The following GLA variants were observed in gnomAD, a reference collection of about 807,000 sequenced individuals.
GLA encodes the protein galactosidase alpha.
In GLA, 4 loss-of-function variants were observed where a neutral mutation model predicts 28.2. The observed-to-expected ratio is 0.14, with a 90% CI of 0.07 to 0.32. The LOEUF (loss-of-function observed/expected upper bound fraction) is 0.32. GLA is among the 10% of genes least tolerant of loss of function. The pLI is 1.00. For missense variants in GLA, 203 were observed against 323.7 expected (o/e 0.63, Z 2.86); for synonymous variants, 94 against 113.0 (o/e 0.83, Z 1.07).
chrX:101,399,682 CTT>C (rs1322198769), intron 4 of GLA: 1 of 112,560 alleles, frequency 8.9e-6, no homozygotes, highest in African/African-American at 3.2e-5. Context: ...CTATTCAACA[CTT>C]AACCATATGC....
rs149391489 is a variant in GLA, at chrX:101,401,803, T to C, written c.376A>G (p.Ser126Gly). ...TAAATCCCTAGCTTCAGTCCTTTGC[T>C]GTGAACCTGAAATGAGAGGGAGGAA... ...GIRQLANYVH[S>G]KGLKLGIYAD... Residue 126 changes from serine to glycine, a missense_variant, in exon 3 of 7, where the codon AGC (serine) becomes GGC (glycine). Ser to Gly is a moderately conservative substitution (Grantham distance 56). This residue lies in a region of GLA where 162 missense variants were observed against 246.8 expected (regional missense o/e 0.66). Transcript: ENST00000218516. 5.5e-4 allele frequency: 664 copies of C among 1,207,539 alleles called. No individual in the cohort carries two copies. Among genetic ancestry groups the C allele is most frequent in the Non-Finnish European group, 7.0e-4 (626 of 892,726 alleles).
At position 101,400,635 on chromosome X, in the gene GLA, G is replaced by C. The variant is rs782135870; in HGVS notation, c.639+31C>G. 24 of 819,162 alleles carry C rather than the reference G, an allele frequency of 2.9e-5. No homozygotes were observed. Among genetic ancestry groups the C allele is most frequent in the African/African-American group, 2.8e-4 (14 of 49,642 alleles). The allele number at this position is 819,162 out of a possible 1,213,427, so 67.5% of individuals were successfully genotyped here. On this transcript the variant is annotated intron_variant, in intron 4 of 6. Transcript: ENST00000218516. ...TTGTCAAGTTCTATCTATCAGTACAGTTCTATTGGATTCTGGGCTCACTAT... is the reference window on the plus strand; with the variant it reads ...TTGTCAAGTTCTATCTATCAGTACACTTCTATTGGATTCTGGGCTCACTAT...
At chrX:101,401,873 G>C (rs1928331308) in intron 2 of GLA, 64 bp from the exon 3 acceptor site, 2 of 1,037,836 alleles carry the variant, frequency 1.9e-6, no homozygotes, top group Admixed American at 4.4e-5. Context: ...AGCAGAAAGA[G>C]AGAACCATTC....
intron 1 of GLA, 120 bp downstream of exon 1, chrX:101,407,590 C>G (rs1038783766): frequency 1.5e-6 from 1 of 667,134 alleles, no homozygotes; most frequent in East Asian, 3.2e-5. Context: ...AAAGCAGCAG[C>G]AGAGTCGGGT....
rs1928154108 is a variant in GLA at position 101,398,348 on chromosome X, TAAA to T, written c.999+19_999+21del. ...TGGTATTGGGTATATAAAGCCATCT[TAAA>T]ATATATACTCTTATTTACCTGTCTA... On this transcript the variant is annotated intron_variant, in intron 6 of 6. Transcript: ENST00000218516. The T allele has an allele frequency of 3.5e-6, 4 of 1,142,812 alleles. No homozygotes were observed. Among genetic ancestry groups the T allele is most frequent in the Non-Finnish European group, 4.8e-6 (4 of 833,071 alleles). The allele number at this position is 1,142,812 out of a possible 1,213,427, so 94.2% of individuals were successfully genotyped here. A position where few individuals can be genotyped will look rare whatever the true frequency, so the allele number is the denominator to read the frequency against.
intron 4 of GLA, among the ~76,000 whole-genome samples, chrX:101,399,396 C>G (rs1352185734): frequency 8.9e-6 from 1 of 112,043 alleles, no homozygotes; most frequent in African/African-American, 3.2e-5. Flanking sequence ...GTGAAACCAT[C>G]TCTACTAAAA....
chrX:101,398,162 A>G, intron 6 of GLA, 63 bp from the exon 7 acceptor site: 1 of 1,018,214 alleles, frequency 9.8e-7, no homozygotes, highest in South Asian at 1.9e-5. Flanking sequence ...TTAGTTTGGC[A>G]TTCATTCTTA....
Position 101,401,818 on chromosome X carries a change from A to G in GLA, c.370-9T>C, listed in dbSNP as rs782810583. ...AGTCCTTTGCTGTGAACCTGAAATG[A>G]GAGGGAGGAAAAGAGTCACCATTGT... On this transcript the variant is annotated splice_polypyrimidine_tract_variant and intron_variant, in intron 2 of 6. Coordinates refer to ENST00000218516, the MANE Select transcript of GLA (RefSeq NM_000169.3). 2 of 1,202,261 alleles carry G rather than the reference A, an allele frequency of 1.7e-6. No individual in the cohort carries two copies. The highest frequency in any genetic ancestry group is 2.3e-6 in the Non-Finnish European group (2 of 886,732).
rs1555984716 is a variant in GLA at position 101,397,814 on chromosome X, G to A, written c.1285C>T (p.Leu429Phe). 1 of 1,194,265 alleles carries A rather than the reference G, an allele frequency of 8.4e-7. No homozygotes were observed. The highest frequency in any genetic ancestry group is 1.1e-6 in the Non-Finnish European group (1 of 879,282). ...TTGGCAATAAAATAAACATTTTAAA[G>A]TAAGTCTTTTAATGACATCTGCATT... Reference protein sequence around the residue: ...NTMQMSLKDLL With the variant: ...NTMQMSLKDLF The change falls in exon 7 of 7, where the codon CTT (leucine) becomes TTT (phenylalanine). Residue 429 changes from leucine to phenylalanine, a missense_variant. Physicochemically the swap from Leu to Phe is conservative, Grantham distance 22 (BLOSUM62 0). Coordinates refer to ENST00000218516, the MANE Select transcript of GLA (RefSeq NM_000169.3).
At chrX:101,399,078 C>G in intron 4 of GLA, 132 bp from the exon 5 acceptor site, 2 of 554,172 alleles carry the variant, frequency 3.6e-6, no homozygotes, top group Admixed American at 5.7e-5. Flanking sequence ...AGGTCTAAAC[C>G]CTTATAATGA....
intron 2 of GLA, among the ~76,000 whole-genome samples, chrX:101,402,430 G>T (rs1341551481): frequency 8.9e-6 from 1 of 112,147 alleles, no homozygotes; most frequent in African/African-American, 3.2e-5. Context: ...ATTTGGAATT[G>T]AACTTGGCTC....
In GLA at chrX:101,400,683, T is replaced by A; in HGVS notation, c.622A>T (p.Met208Leu). ...TATCTCACCTTTTGAAAGGGCCACA[T>A]ATAAAGAGGCCACTCACAGGAGTAC... Reference protein sequence around the residue: ...IVYSCEWPLYMWPFQKPNYTE... With the variant: ...IVYSCEWPLYLWPFQKPNYTE... The change falls in exon 4 of 7, where the codon ATG becomes TTG. Residue 208 changes from methionine (M) to leucine (L), a missense_variant. Around this residue, in one of 3 missense-constraint regions of GLA, gnomAD observed 162 missense variants for 246.8 expected, o/e 0.66. Coordinates refer to ENST00000218516, the MANE Select transcript of GLA (RefSeq NM_000169.3). The A allele has an allele frequency of 8.6e-7, 1 of 1,166,949 alleles. No individual in the cohort carries two copies. The highest frequency in any genetic ancestry group is 1.2e-6 in the Non-Finnish European group (1 of 855,087).
intron 2 of GLA, among the ~76,000 whole-genome samples, chrX:101,402,121 C>T (rs1328327894): frequency 8.9e-6 from 1 of 112,351 alleles, no homozygotes; most frequent in Non-Finnish European, 1.9e-5. Context: ...ATAGATTTAC[C>T]TTGACAAAGA....
In GLA at chrX:101,399,067, G is replaced by C; in HGVS notation, c.640-121C>G. On this transcript the variant is annotated intron_variant, in intron 4 of 6. Transcript: ENST00000218516. ...TTTACAGATTGAACGTCTCCATAAG[G>C]AGGTCTAAACCCTTATAATGAATTT... 2.6e-5 allele frequency: 16 copies of C among 626,372 alleles called. No individual in the cohort carries two copies. The South Asian group carries it at 3.6e-4, about 14-fold the overall frequency. 51.6% of individuals were successfully genotyped at this position (626,372 alleles called of 1,213,427 possible).
intron 3 of GLA, among the ~76,000 whole-genome samples, chrX:101,401,027 G>T (rs989969998): frequency 1.8e-5 from 2 of 110,444 alleles, no homozygotes; most frequent in Non-Finnish European, 3.8e-5. Flanking sequence ...CTAGAGATGG[G>T]GTTTCACCAT....
At chrX:101,404,630 C>T (rs1282987107) in intron 1 of GLA, among the ~76,000 whole-genome samples, 1 of 92,649 alleles carries the variant, frequency 1.1e-5, no homozygotes, top group Non-Finnish European at 2.0e-5. Flanking sequence ...AGTGCAGTGG[C>T]GCCATCTTGG....
chrX:101,400,182 A>G, intron 4 of GLA, among the ~76,000 whole-genome samples: 1 of 109,586 alleles, frequency 9.1e-6, no homozygotes, highest in East Asian at 2.8e-4. Context: ...TATATTTTTT[A>G]TAACTCTGTT....
chrX:101,399,479 G>C (rs996942695), intron 4 of GLA, among the ~76,000 whole-genome samples: 1 of 112,257 alleles, frequency 8.9e-6, no homozygotes, highest in African/African-American at 3.2e-5. Flanking sequence ...CAAGAGAATC[G>C]CTTAAACCCG....
intron 5 of GLA, 94 bp downstream of exon 5, chrX:101,398,688 GCCT>G: frequency 9.5e-7 from 1 of 1,057,287 alleles, no homozygotes; most frequent in Non-Finnish European, 1.3e-6. Context: ...CTCACATAAA[GCCT>G]CCTCCCAGGA....
Sources: allele counts gnomAD v4.1 joint callset (sites outside exome capture counted in the v4.1 genomes callset), GRCh38; gene constraint gnomAD v4.1.1; regional missense constraint gnomAD v4.1.1; transcripts MANE v1.5; gene names NCBI Gene and HGNC (gene_info 2026-07-23, HGNC 2026-07-21).